CCN6: variants seen among roughly 807,000 people sequenced by gnomAD.
The protein encoded by CCN6 is cellular communication network factor 6.
CCN6 carries 31 observed loss-of-function variants against 37.4 expected under a neutral mutation model. The observed-to-expected ratio is 0.83, with a 90% confidence interval of 0.62 to 1.12. The LOEUF (loss-of-function observed/expected upper bound fraction) is 1.12. CCN6 is among the 50% of genes most tolerant of loss of function. CCN6 has a pLI of 0.00. For synonymous variants in CCN6, 137 were observed against 142.1 expected (o/e 0.96, Z 0.26); for missense variants, 369 against 413.8 (o/e 0.89, Z 0.94).
chr6:112,065,090 T>C, intron 3 of CCN6, 93 bp downstream of exon 3: 1 of 1,581,274 alleles, frequency 6.3e-7, no homozygotes. Flanking sequence ...AAGTACTTGT[T>C]GATTGGTGGT....
intron 4 of CCN6, 38 bp downstream of exon 4, chr6:112,068,436 G>C (rs1554314548): frequency 1.3e-6 from 2 of 1,547,662 alleles, no homozygotes; most frequent in Admixed American, 3.6e-5. Flanking sequence ...TCAATATTAA[G>C]AGATTCCTGA....
intron 3 of CCN6, among the ~76,000 whole-genome samples, chr6:112,065,704 CAG>C (rs1776677932): frequency 6.6e-6 from 1 of 152,020 alleles, no homozygotes; most frequent in Non-Finnish European, 1.5e-5. Context: ...TCTATGTTCT[CAG>C]AAAAATGAAG....
At chr6:112,063,950 T>C (rs1554313346) in intron 2 of CCN6, among the ~76,000 whole-genome samples, 1 of 152,244 alleles carries the variant, frequency 6.6e-6, no homozygotes, top group African/African-American at 2.4e-5. Context: ...CAGTATTTGA[T>C]GATTAAGATT....
At chr6:112,055,777 A>T (rs1776329960) in intron 1 of CCN6, among the ~76,000 whole-genome samples, 1 of 152,086 alleles carries the variant, frequency 6.6e-6, no homozygotes, top group South Asian at 2.1e-4. Context: ...TTTAGTAGAG[A>T]TAGGGTTTTG....
At chr6:112,058,017 TGAATCACTG>T (rs1776398337) in intron 1 of CCN6, among the ~76,000 whole-genome samples, 1 of 152,202 alleles carries the variant, frequency 6.6e-6, no homozygotes, top group African/African-American at 2.4e-5. Flanking sequence ...CCTGGCATCC[TGAATCACTG>T]GTGGCTATAG....
At chr6:112,069,243 C>G in intron 4 of CCN6, 96 bp from the exon 5 acceptor site, 1 of 1,407,842 alleles carries the variant, frequency 7.1e-7, no homozygotes, top group South Asian at 1.3e-5. Flanking sequence ...ATTAATGCCT[C>G]CAAATACTCA....
intron 1 of CCN6, among the ~76,000 whole-genome samples, chr6:112,055,385 C>T (rs1257030743): frequency 1.3e-5 from 2 of 152,130 alleles, no homozygotes; most frequent in Admixed American, 1.3e-4. Context: ...TGTTCTTAGA[C>T]AGCAGGTATT....
Position 112,064,879 on chromosome 6 carries a change from ACCAAAG to A in CCN6, c.473_478del (p.Pro158_Lys159del), listed in dbSNP as rs1256397643. On this transcript the variant is annotated inframe_deletion, in exon 3 of 5. Coordinates refer to ENST00000368666, the MANE Select transcript of CCN6 (RefSeq NM_198239.2). ...CCATTGGATGCACACCTCTGTTCAT[ACCAAAG>A]CTGGCTGGCAGTCACTGCTCTGGAG... 6.2e-7 allele frequency: 1 copy of A among 1,614,088 alleles called. No homozygotes were observed. Among genetic ancestry groups the A allele is most frequent in the Admixed American group, 1.7e-5 (1 of 60,008 alleles).
chr6:112,058,218 G>A (rs1050502074), intron 1 of CCN6, among the ~76,000 whole-genome samples: 1 of 152,170 alleles, frequency 6.6e-6, no homozygotes, highest in Non-Finnish European at 1.5e-5. Context: ...CGTTGTGCAT[G>A]TAACTTTTGA....
At chr6:112,067,403 G>A (rs1369977173) in intron 3 of CCN6, among the ~76,000 whole-genome samples, 2 of 152,070 alleles carry the variant, frequency 1.3e-5, no homozygotes, top group Non-Finnish European at 2.9e-5. Flanking sequence ...GACCTTACAT[G>A]GAAATGGGAG....
chr6:112,065,618 A>G (rs1484627582), intron 3 of CCN6, among the ~76,000 whole-genome samples: 1 of 130,232 alleles, frequency 7.7e-6, no homozygotes, highest in East Asian at 2.2e-4. Context: ...ACGCACACAC[A>G]CACGCACGCA....
intron 1 of CCN6, among the ~76,000 whole-genome samples, chr6:112,055,579 C>CTTTATTTATTTA (rs375824740): frequency 0.042 from 6,327 of 151,382 alleles, 442 homozygotes; most frequent in African/African-American, 0.15. Context: ...GTGCTGGGTG[C>CTTTATTTATTTA]TTTATTTATT....
Position 112,061,280 on chromosome 6 carries a change from T to C in CCN6, c.338T>C (p.Val113Ala), listed in dbSNP as rs781884863. 1.4e-5 allele frequency: 22 copies of C among 1,613,978 alleles called. No individual in the cohort carries two copies. The South Asian group carries it at 2.1e-4, about 15-fold the overall frequency. ...SVDRPRYETG[V>A]CAYLVAVGCE... ...GACAGGCCTAGGTACGAGACTGGAG[T>C]GTGTGCATGTAAGTGTCTTCTTCTG... Residue 113 changes from valine (V) to alanine (A), a missense_variant, in exon 2 of 5, where the codon GTG (valine) becomes GCG (alanine). Physicochemically the swap from Val to Ala is moderately conservative, Grantham distance 64. Transcript: ENST00000368666.
chr6:112,065,563 A>AACACACACACACACAAAC (rs587651054), intron 3 of CCN6, among the ~76,000 whole-genome samples: 1 of 102,092 alleles, frequency 9.8e-6, no homozygotes, highest in African/African-American at 3.8e-5. Context: ...TCTCTCTGTA[A>AACACACACACACACAAAC]ACACACACAC....
Position 112,067,613 on chromosome 6 carries a change from T to C in CCN6, c.590-592T>C, listed in dbSNP as rs140663887. Among the ~76,000 whole-genome samples the C allele has an allele frequency of 7.5e-3, 1,148 of 152,300 alleles. 25 individuals are homozygous for C. The highest frequency in any genetic ancestry group is 0.026 in the African/African-American group (1,092 of 41,584). ...GAGTGTGACAATTAAGTTGAATGAA[T>C]GAAATTATACGCTTGCAATGACTTT... is the stretch of plus-strand genomic sequence containing the variant. On this transcript the variant is annotated intron_variant, in intron 3 of 4. Transcript: ENST00000368666.
At chr6:112,063,982 C>T (rs1776603853) in intron 2 of CCN6, among the ~76,000 whole-genome samples, 1 of 152,164 alleles carries the variant, frequency 6.6e-6, no homozygotes, top group Non-Finnish European at 1.5e-5. Flanking sequence ...ATACTTTTTG[C>T]TGTGCCATCA....
Position 112,058,238 on chromosome 6 carries a change from G to A in CCN6, c.49-2753G>A, listed in dbSNP as rs1461864900. Among the ~76,000 whole-genome samples the A allele has an allele frequency of 9.9e-5, 15 of 152,256 alleles. No homozygotes were observed. In the East Asian group the frequency reaches 2.9e-3, roughly 29 times the overall value. On this transcript the variant is annotated intron_variant, in intron 1 of 4. Coordinates refer to ENST00000368666, the MANE Select transcript of CCN6 (RefSeq NM_198239.2). The stretch of plus-strand genomic sequence containing the variant: ...TGCATGTAACTTTTGAATCACAGCT[G>A]AAACGTTACTCTTTACTGAGGCATA...
At chr6:112,067,487 A>G (rs1017213774) in intron 3 of CCN6, among the ~76,000 whole-genome samples, 12 of 151,974 alleles carry the variant, frequency 7.9e-5, no homozygotes, top group African/African-American at 2.9e-4. Flanking sequence ...GGCTCTATCT[A>G]CTCACTCACT....
At chr6:112,060,883 T>C (rs1480877037) in intron 1 of CCN6, 108 bp from the exon 2 acceptor site, 2 of 1,301,088 alleles carry the variant, frequency 1.5e-6, no homozygotes, top group Admixed American at 3.8e-5. Context: ...ATTATAATGA[T>C]TGTAACTCAC....
Sources: allele counts gnomAD v4.1 joint callset (sites outside exome capture counted in the v4.1 genomes callset), GRCh38; gene constraint gnomAD v4.1.1; transcripts MANE v1.5; gene names NCBI Gene and HGNC (gene_info 2026-07-23, HGNC 2026-07-21).